CTDSPL2: variants seen among roughly 807,000 people sequenced by gnomAD.
CTDSPL2 encodes the protein CTD small phosphatase like 2.
In CTDSPL2, 5 loss-of-function variants were observed where a neutral mutation model predicts 60.0. The observed-to-expected ratio is 0.08, with a 90% CI of 0.04 to 0.18. The LOEUF (loss-of-function observed/expected upper bound fraction) is 0.18. Among genes scored for constraint, CTDSPL2 ranks in the 10% least tolerant of loss-of-function variants. CTDSPL2 has a pLI of 1.00. For synonymous variants in CTDSPL2, 186 were observed against 189.3 expected (o/e 0.98, Z 0.14); for missense variants, 370 against 548.8 (o/e 0.67, Z 3.26).
At chr15:44,463,582 A>G (rs1218088477) in intron 2 of CTDSPL2, among the ~76,000 whole-genome samples, 1 of 152,238 alleles carries the variant, frequency 6.6e-6, no homozygotes, top group Non-Finnish European at 1.5e-5. Flanking sequence ...ATGCTTTACT[A>G]AAATCGGAGT....
In CTDSPL2 at chr15:44,463,378, G is replaced by A. The variant is rs574741214; in HGVS notation, c.186+4178G>A. Among the ~76,000 whole-genome samples, 4 of 152,246 alleles carry A rather than the reference G, an allele frequency of 2.6e-5. No individual in the cohort carries two copies. In the South Asian group the frequency reaches 8.3e-4, roughly 32 times the overall value. The stretch of plus-strand genomic sequence containing the variant: ...GCAGGTCTTGAACTCCTGACCTCAA[G>A]TGATCTGCCCACCTCAGCCTCCCAG... On this transcript the variant is annotated intron_variant, in intron 2 of 12. Coordinates refer to ENST00000260327, the MANE Select transcript of CTDSPL2 (RefSeq NM_016396.3).
chr15:44,465,855 A>C (rs1374830897), intron 2 of CTDSPL2, among the ~76,000 whole-genome samples: 1 of 151,666 alleles, frequency 6.6e-6, no homozygotes, highest in Non-Finnish European at 1.5e-5. Context: ...CTGGGATTAC[A>C]GGCATGTGCC....
chr15:44,471,983 A>AT lies in CTDSPL2; in HGVS notation c.187-12241_187-12240insT, dbSNP rs1327210754. Among the ~76,000 whole-genome samples the AT allele has an allele frequency of 3.3e-5, 5 of 151,872 alleles. No homozygotes were observed. The East Asian group carries it at 9.6e-4, about 29-fold the overall frequency. The stretch of plus-strand genomic sequence containing the variant: ...ATTGAATAAAAATTAAAAAAAAAAA[A>AT]AGAGAAAAAACAAAGTACATCCATG... On this transcript the variant is annotated intron_variant, in intron 2 of 12. Transcript: ENST00000260327.
Position 44,497,074 on chromosome 15 carries a change from A to G in CTDSPL2, c.818A>G (p.Asn273Ser). The G allele has an allele frequency of 1.9e-6, 3 of 1,611,922 alleles. No individual in the cohort carries two copies. Among genetic ancestry groups the G allele is most frequent in the Non-Finnish European group, 2.5e-6 (3 of 1,178,606 alleles). ...CCGCCACTGACAGAAGAACAACTAA[A>G]TAGGAAACCTGCTCTTCCGTTGAAA... is the stretch of plus-strand genomic sequence containing the variant. ...HVPPLTEEQL[N>S]RKPALPLKTR... The change falls in exon 7 of 13, where the codon AAT (asparagine) becomes AGT (serine). Residue 273 changes from asparagine (N) to serine (S), a missense_variant. By Grantham distance (46) the Asn-to-Ser change is conservative. This residue lies in a region of CTDSPL2 where 16 missense variants were observed against 44.3 expected (regional missense o/e 0.36). Coordinates refer to ENST00000260327, the MANE Select transcript of CTDSPL2 (RefSeq NM_016396.3).
At chr15:44,501,401 TC>T (rs1223791357) in intron 8 of CTDSPL2, among the ~76,000 whole-genome samples, 26 of 152,244 alleles carry the variant, frequency 1.7e-4, no homozygotes, top group Non-Finnish European at 1.5e-5. Flanking sequence ...ATTTGATTCT[TC>T]CCTTTCATGA....
intron 1 of CTDSPL2, among the ~76,000 whole-genome samples, chr15:44,454,573 G>A (rs1312730670): frequency 2.6e-5 from 4 of 152,226 alleles, no homozygotes; most frequent in Admixed American, 2.6e-4. Flanking sequence ...TAACATTTAA[G>A]TCTTGAATCC....
chr15:44,504,708 C>CAA (rs34132661), intron 8 of CTDSPL2, among the ~76,000 whole-genome samples: 7,604 of 133,874 alleles, frequency 0.057, 337 homozygotes, highest in East Asian at 0.25. Context: ...CTGTCCCTTC[C>CAA]AAAAAAAAAA....
chr15:44,496,478 T>G lies in CTDSPL2; in HGVS notation c.770+20T>G. The stretch of plus-strand genomic sequence containing the variant: ...TGACCCGTGAGTTGCTTTTTTCTCT[T>G]TTTTTCTTTCCTTTTTGGAGCATGA... On this transcript the variant is annotated intron_variant, in intron 6 of 12. Coordinates refer to ENST00000260327, the MANE Select transcript of CTDSPL2 (RefSeq NM_016396.3). The G allele has an allele frequency of 6.3e-7, 1 of 1,595,288 alleles. No homozygotes were observed. The highest frequency in any genetic ancestry group is 1.1e-5 in the South Asian group (1 of 90,642).
At chr15:44,489,608 T>C (rs771568609) in intron 4 of CTDSPL2, among the ~76,000 whole-genome samples, 15 of 152,196 alleles carry the variant, frequency 9.9e-5, no homozygotes, top group Non-Finnish European at 1.5e-4. Flanking sequence ...GTAACTGATA[T>C]AGAGCAGTAT....
rs1341120287 is a variant in CTDSPL2 at position 44,526,052 on chromosome 15, A to T, written c.*1878A>T. The T allele has an allele frequency of 6.6e-6, 1 of 152,232 alleles. No individual in the cohort carries two copies. The highest frequency in any genetic ancestry group is 1.5e-5 in the Non-Finnish European group (1 of 67,998). The allele number at this position is 152,232 out of a possible 1,614,324, so 9.4% of individuals were successfully genotyped here. ...ATTTAAAGAAAGGTATTTTGCTTGC[A>T]GGAAAAAAATACTACAGATTCATTT... On this transcript the variant is annotated 3_prime_UTR_variant, in exon 13 of 13. Transcript: ENST00000260327.
At chr15:44,433,752 C>G (rs1406777019) in intron 1 of CTDSPL2, among the ~76,000 whole-genome samples, 2 of 150,522 alleles carry the variant, frequency 1.3e-5, no homozygotes, top group African/African-American at 4.9e-5. Flanking sequence ...GAGTTCGAGA[C>G]CAGCCTGACC....
At chr15:44,475,915 C>G (rs1460798896) in intron 2 of CTDSPL2, among the ~76,000 whole-genome samples, 3 of 152,118 alleles carry the variant, frequency 2.0e-5, no homozygotes, top group Admixed American at 6.6e-5. Flanking sequence ...ACAATTGCAT[C>G]AAGAGTCTCT....
intron 5 of CTDSPL2, among the ~76,000 whole-genome samples, chr15:44,492,461 A>G (rs2081232935): frequency 6.6e-6 from 1 of 152,214 alleles, no homozygotes; most frequent in African/African-American, 2.4e-5. Context: ...CAGGGTGTTA[A>G]ATGCATTTTG....
intron 5 of CTDSPL2, 42 bp from the exon 6 acceptor site, chr15:44,496,338 A>G (rs769756504): frequency 7.8e-7 from 1 of 1,281,734 alleles, no homozygotes; most frequent in Non-Finnish European, 1.1e-6. Context: ...TTCATGAAGC[A>G]TTAAGTAAAA....
intron 2 of CTDSPL2, among the ~76,000 whole-genome samples, chr15:44,459,714 A>G (rs2090738564): frequency 6.6e-6 from 1 of 152,164 alleles, no homozygotes; most frequent in South Asian, 2.1e-4. Flanking sequence ...CTTTTTCAAC[A>G]TAGTATTATG....
At chr15:44,453,698 A>G (rs1390724514) in intron 1 of CTDSPL2, among the ~76,000 whole-genome samples, 1 of 151,320 alleles carries the variant, frequency 6.6e-6, no homozygotes, top group East Asian at 1.9e-4. Flanking sequence ...TCCTTGTGAT[A>G]GTTTGCTGAG....
intron 4 of CTDSPL2, 60 bp downstream of exon 4, chr15:44,486,760 T>TC: frequency 2.3e-6 from 2 of 863,396 alleles, no homozygotes; most frequent in Non-Finnish European, 1.6e-6. Context: ...TAGTTTGGGT[T>TC]TTTTTTTTTT....
intron 2 of CTDSPL2, among the ~76,000 whole-genome samples, chr15:44,482,113 C>T (rs2081038441): frequency 6.6e-6 from 1 of 152,130 alleles, no homozygotes; most frequent in South Asian, 2.1e-4. Context: ...GCTGCCTTAC[C>T]TGCGTAGGGA....
chr15:44,519,077 A>T, intron 10 of CTDSPL2, 92 bp from the exon 11 acceptor site: 3 of 795,718 alleles, frequency 3.8e-6, no homozygotes, highest in East Asian at 3.4e-5. Context: ...CATATGGCTT[A>T]AACTATAAAG....
Sources: gnomAD v4.1 joint callset for allele counts (sites outside exome capture counted in the v4.1 genomes callset) on GRCh38, gnomAD v4.1.1 for gene constraint, gnomAD v4.1.1 regional missense constraint, MANE v1.5 for transcripts, NCBI Gene and HGNC (gene_info 2026-07-23, HGNC 2026-07-21) for gene names.